NKAIN2: variants seen among roughly 807,000 people sequenced by gnomAD.
NKAIN2 encodes the protein sodium/potassium-transporting ATPase subunit beta-1-interacting protein 2.
A neutral mutation model predicts 32.6 loss-of-function variants in NKAIN2; 14 were observed. The ratio of observed to expected loss-of-function variants is 0.43; its 90% CI spans 0.28 to 0.67. The LOEUF is 0.67. Ranked by LOEUF, NKAIN2 falls within the 30% of genes least tolerant of loss-of-function variation. The pLI is 0.17. For synonymous variants in NKAIN2, 80 were observed against 87.2 expected, an observed-to-expected ratio of 0.92 and a Z score of 0.46; for missense variants, 198 against 258.3, an observed-to-expected ratio of 0.77 and a Z score of 1.60.
At position 123,992,721 on chromosome 6, in the gene NKAIN2, A is replaced by G. The variant is rs143730537; in HGVS notation, c.54+188467A>G. On this transcript the variant is annotated intron_variant, in intron 1 of 6. Transcript: ENST00000368417. ...TGTTTAATGCAAACTGGAACTGGAG[A>G]AACCAAAGCTGGGATGATCCAATCG... is the stretch of plus-strand genomic sequence containing the variant. Among the ~76,000 whole-genome samples, 271 of 152,330 alleles carry G rather than the reference A, an allele frequency of 1.8e-3. 4 individuals are homozygous for G. Among genetic ancestry groups the G allele is most frequent in the Admixed American group, 0.015 (232 of 15,304 alleles).
chr6:124,225,214 A>G (rs1429226320), intron 1 of NKAIN2, among the ~76,000 whole-genome samples: 3 of 152,100 alleles, frequency 2.0e-5, no homozygotes, highest in African/African-American at 7.2e-5. Context: ...GCTTCCACAG[A>G]AAATTGATGA....
At chr6:124,635,791 AG>A (rs1304861078) in intron 3 of NKAIN2, among the ~76,000 whole-genome samples, 2 of 152,066 alleles carry the variant, frequency 1.3e-5, no homozygotes, top group African/African-American at 4.8e-5. Context: ...AGATACATAA[AG>A]CAAATATTAT....
chr6:124,059,667 T>C (rs1418040770), intron 1 of NKAIN2, among the ~76,000 whole-genome samples: 1 of 152,148 alleles, frequency 6.6e-6, no homozygotes, highest in East Asian at 1.9e-4. Context: ...TGTCGAGTGC[T>C]TCAGAGGTTC....
At chr6:124,563,176 T>G (rs2114898555) in intron 3 of NKAIN2, among the ~76,000 whole-genome samples, 1 of 152,186 alleles carries the variant, frequency 6.6e-6, no homozygotes, top group African/African-American at 2.4e-5. Flanking sequence ...TGTGCTGGGA[T>G]TACAGGCGTG....
chr6:124,455,692 C>G (rs1776292641), intron 3 of NKAIN2, among the ~76,000 whole-genome samples: 1 of 151,764 alleles, frequency 6.6e-6, no homozygotes, highest in South Asian at 2.1e-4. Flanking sequence ...AACATTTCCC[C>G]TAGTTACATG....
At chr6:124,034,151 TA>T (rs1366323529) in intron 1 of NKAIN2, among the ~76,000 whole-genome samples, 2 of 151,712 alleles carry the variant, frequency 1.3e-5, no homozygotes, top group Non-Finnish European at 2.9e-5. Flanking sequence ...ATTTTAGATT[TA>T]GGGGGTACAT....
intron 1 of NKAIN2, among the ~76,000 whole-genome samples, chr6:124,150,622 G>T (rs1210072504): frequency 6.6e-6 from 1 of 151,800 alleles, no homozygotes; most frequent in Non-Finnish European, 1.5e-5. Flanking sequence ...ATGATTTTTT[G>T]CTATTATACT....
chr6:124,813,812 A>T (rs761617043), intron 5 of NKAIN2, among the ~76,000 whole-genome samples: 1 of 152,166 alleles, frequency 6.6e-6, no homozygotes, highest in Non-Finnish European at 1.5e-5. Flanking sequence ...GAGATTCTTG[A>T]TAGATAGAAG....
intron 1 of NKAIN2, among the ~76,000 whole-genome samples, chr6:124,017,936 T>C (rs1780665371): frequency 6.6e-6 from 1 of 152,198 alleles, no homozygotes; most frequent in Non-Finnish European, 1.5e-5. Context: ...GTGGGTACTC[T>C]GTGTGTGGGC....
chr6:124,318,663 A>G (rs1474619764), intron 2 of NKAIN2, among the ~76,000 whole-genome samples: 1 of 152,064 alleles, frequency 6.6e-6, no homozygotes, highest in Non-Finnish European at 1.5e-5. Flanking sequence ...TGAATACCCC[A>G]TGAAAGAATT....
intron 1 of NKAIN2, among the ~76,000 whole-genome samples, chr6:124,159,980 T>G (rs1376289545): frequency 3.9e-5 from 6 of 152,158 alleles, no homozygotes; most frequent in Non-Finnish European, 8.8e-5. Context: ...TCCTTTCTTG[T>G]TTTTGAAGGC....
intron 2 of NKAIN2, among the ~76,000 whole-genome samples, chr6:124,327,745 G>T (rs917322202): frequency 6.6e-6 from 1 of 151,982 alleles, no homozygotes; most frequent in African/African-American, 2.4e-5. Context: ...ACTTATAGAG[G>T]TATAAAGTGG....
At chr6:123,913,990 AT>A (rs1775353478) in intron 1 of NKAIN2, among the ~76,000 whole-genome samples, 1 of 152,116 alleles carries the variant, frequency 6.6e-6, no homozygotes, top group Non-Finnish European at 1.5e-5. Context: ...ATATTACCTC[AT>A]TTCATCTTTA....
chr6:124,078,208 G>A (rs1344020592), intron 1 of NKAIN2, among the ~76,000 whole-genome samples: 2 of 152,122 alleles, frequency 1.3e-5, no homozygotes, highest in South Asian at 2.1e-4. Flanking sequence ...ATTTCCATAT[G>A]TAATGTAGTG....
chr6:123,866,867 C>T (rs1772548739), intron 1 of NKAIN2, among the ~76,000 whole-genome samples: 1 of 152,152 alleles, frequency 6.6e-6, no homozygotes, highest in Non-Finnish European at 1.5e-5. Context: ...CTCTTTTCCT[C>T]TTTCCTCAGA....
intron 1 of NKAIN2, among the ~76,000 whole-genome samples, chr6:123,831,567 A>G (rs777374585): frequency 4.0e-5 from 6 of 151,810 alleles, no homozygotes; most frequent in African/African-American, 1.4e-4. Flanking sequence ...ACCAAAATAA[A>G]GAGACAGGTA....
chr6:124,787,823 A>G (rs9321006), intron 4 of NKAIN2, among the ~76,000 whole-genome samples: 29,717 of 151,976 alleles, frequency 0.2, 3,324 homozygotes, highest in East Asian at 0.52. Context: ...CTTTGCTTCC[A>G]TTATTCTAGT....
intron 1 of NKAIN2, among the ~76,000 whole-genome samples, chr6:123,912,604 A>G (rs1284853514): frequency 6.6e-6 from 1 of 151,970 alleles, no homozygotes; most frequent in Non-Finnish European, 1.5e-5. Context: ...ATCATTTGCA[A>G]ATCAGAAAAA....
chr6:124,064,038 C>T (rs1783041260), intron 1 of NKAIN2, among the ~76,000 whole-genome samples: 1 of 151,594 alleles, frequency 6.6e-6, no homozygotes, highest in African/African-American at 2.4e-5. Context: ...GCATGCTCTG[C>T]CTCCCGGGTT....
Sources: gnomAD v4.1 joint callset for allele counts (sites outside exome capture counted in the v4.1 genomes callset) on GRCh38, gnomAD v4.1.1 for gene constraint, MANE v1.5 for transcripts, NCBI Gene and HGNC (gene_info 2026-07-23, HGNC 2026-07-21) for gene names.